Variants in STX18 observed in about 807,000 individuals in gnomAD.
The protein encoded by STX18 is syntaxin-18.
A neutral mutation model predicts 50.1 loss-of-function variants in STX18; 40 were observed. The ratio of observed to expected loss-of-function variants is 0.80; its 90% CI spans 0.62 to 1.04. The LOEUF (loss-of-function observed/expected upper bound fraction) is 1.04. STX18 is among the 50% of genes least tolerant of loss of function. The pLI, the probability that STX18 is intolerant of heterozygous loss-of-function variation, is 0.00. For synonymous variants in STX18, 158 were observed against 151.8 expected, an observed-to-expected ratio of 1.04 and a Z score of -0.30; for missense variants, 410 against 415.8, an observed-to-expected ratio of 0.99 and a Z score of 0.12.
At chr4:4,455,334 A>G (rs1254617365) in intron 5 of STX18, among the ~76,000 whole-genome samples, 1 of 152,248 alleles carries the variant, frequency 6.6e-6, no homozygotes, top group Non-Finnish European at 1.5e-5. Flanking sequence ...GCATTATATA[A>G]TAGTAGCTGT....
intron 1 of STX18, among the ~76,000 whole-genome samples, chr4:4,495,563 CTT>C (rs35298335): frequency 8.5e-5 from 11 of 129,974 alleles, no homozygotes; most frequent in Admixed American, 3.1e-4. Flanking sequence ...TTTTTCTTTT[CTT>C]TTTTTTTTTT....
At position 4,457,095 on chromosome 4, in the gene STX18, C is replaced by T. The variant is rs73086249; in HGVS notation, c.497+96G>A. 134 of 1,189,370 alleles carry T rather than the reference C, an allele frequency of 1.1e-4. 1 individual carries two copies. The South Asian group carries it at 1.6e-3, about 14-fold the overall frequency. 73.7% of individuals were successfully genotyped at this position (1,189,370 alleles called of 1,614,324 possible). On this transcript the variant is annotated intron_variant, in intron 5 of 10. Transcript: ENST00000306200. Reference sequence around the variant, plus strand: ...GGCATTTTGCGAAGAAGTTCAAACACGGTACATTGCATAGGGTAAGTGCTC... The same window carrying T: ...GGCATTTTGCGAAGAAGTTCAAACATGGTACATTGCATAGGGTAAGTGCTC...
At chr4:4,531,735 T>A (rs1731105658) in intron 1 of STX18, among the ~76,000 whole-genome samples, 1 of 152,248 alleles carries the variant, frequency 6.6e-6, no homozygotes, top group Non-Finnish European at 1.5e-5. Flanking sequence ...CATGCCTTTT[T>A]CTATACTCAT....
Position 4,485,255 on chromosome 4 carries a change from A to G in STX18, c.169-13549T>C, listed in dbSNP as rs138141273. 3.2e-3 allele frequency among the ~76,000 whole-genome samples: 482 copies of G among 152,364 alleles called. 4 individuals carry two copies. Among genetic ancestry groups the G allele is most frequent in the African/African-American group, 0.011 (461 of 41,582 alleles). ...ACTGATGAAAATAATGTCTGTGAAG[A>G]GTCTGACACTGTGTCTGGCACACAG... On this transcript the variant is annotated intron_variant, in intron 1 of 10. Transcript: ENST00000306200.
chr4:4,490,817 T>C (rs183230258), intron 1 of STX18, among the ~76,000 whole-genome samples: 1 of 152,302 alleles, frequency 6.6e-6, no homozygotes, highest in African/African-American at 2.4e-5. Flanking sequence ...AAATACATTT[T>C]AGAGAAAACA....
rs1460631144 is a variant in STX18 at position 4,459,363 on chromosome 4, G to A, written c.352+9C>T. 6.2e-7 allele frequency: 1 copy of A among 1,601,250 alleles called. No homozygotes were observed. The highest frequency in any genetic ancestry group is 1.7e-5 in the Admixed American group (1 of 59,954). ...TGGTTGCTTGTTTGCATCTTTCAGA[G>A]CACTTTACCTTCTGTTCGTAGTTGC... On this transcript the variant is annotated intron_variant, in intron 3 of 10. Coordinates refer to ENST00000306200, the MANE Select transcript of STX18 (RefSeq NM_016930.4).
intron 6 of STX18, among the ~76,000 whole-genome samples, chr4:4,436,637 T>C (rs1278760378): frequency 6.6e-6 from 1 of 152,238 alleles, no homozygotes; most frequent in Non-Finnish European, 1.5e-5. Flanking sequence ...GCCTTCTTGA[T>C]AGGCTGCCCT....
At chr4:4,455,757 T>A (rs1406559194) in intron 5 of STX18, among the ~76,000 whole-genome samples, 1 of 152,196 alleles carries the variant, frequency 6.6e-6, no homozygotes, top group Non-Finnish European at 1.5e-5. Flanking sequence ...ACACTTCACG[T>A]GTTGTCATAG....
chr4:4,530,534 A>G (rs1731045103), intron 1 of STX18, among the ~76,000 whole-genome samples: 1 of 152,060 alleles, frequency 6.6e-6, no homozygotes, highest in African/African-American at 2.4e-5. Flanking sequence ...CATCAAAATC[A>G]TTATTATTGT....
chr4:4,437,366 C>T (rs912223939), intron 6 of STX18, among the ~76,000 whole-genome samples: 7 of 152,214 alleles, frequency 4.6e-5, no homozygotes, highest in Non-Finnish European at 1.0e-4. Flanking sequence ...TTCCCATCAA[C>T]TGTGAGCTCC....
intron 1 of STX18, among the ~76,000 whole-genome samples, chr4:4,498,322 T>A (rs1325333521): frequency 6.6e-6 from 1 of 152,122 alleles, no homozygotes; most frequent in Non-Finnish European, 1.5e-5. Flanking sequence ...TACTGCATAA[T>A]AAGATCAATG....
intron 7 of STX18, among the ~76,000 whole-genome samples, chr4:4,428,051 C>T (rs924055555): frequency 3.2e-4 from 49 of 152,232 alleles, no homozygotes; most frequent in Non-Finnish European, 1.3e-4. Flanking sequence ...GGGCCCAGGA[C>T]AATTAGATCA....
chr4:4,514,941 C>T (rs1401433924), intron 1 of STX18, among the ~76,000 whole-genome samples: 1 of 152,076 alleles, frequency 6.6e-6, no homozygotes, highest in African/African-American at 2.4e-5. Flanking sequence ...AACAATAGTT[C>T]CATAAACTAT....
At chr4:4,439,785 C>G (rs182775377) in intron 5 of STX18, among the ~76,000 whole-genome samples, 645 of 152,172 alleles carry the variant, frequency 4.2e-3, no homozygotes, top group Non-Finnish European at 6.6e-3. Context: ...CTGTTTCTTC[C>G]CCACGGGCTC....
intron 2 of STX18, among the ~76,000 whole-genome samples, chr4:4,466,951 A>G (rs1727647157): frequency 6.6e-6 from 1 of 151,986 alleles, no homozygotes; most frequent in African/African-American, 2.4e-5. Flanking sequence ...GACTGGTTGG[A>G]TTAAGGATGA....
intron 5 of STX18, among the ~76,000 whole-genome samples, chr4:4,456,911 G>A (rs989605840): frequency 6.6e-6 from 1 of 152,200 alleles, no homozygotes; most frequent in South Asian, 2.1e-4. Context: ...CTGTGGGACT[G>A]TGGGATCTAG....
At chr4:4,488,335 T>A (rs1306079160) in intron 1 of STX18, among the ~76,000 whole-genome samples, 2 of 152,160 alleles carry the variant, frequency 1.3e-5, no homozygotes, top group African/African-American at 4.8e-5. Flanking sequence ...TGAATTATAA[T>A]ATCAGCTTAT....
intron 5 of STX18, among the ~76,000 whole-genome samples, chr4:4,440,075 A>G (rs1005343068): frequency 1.3e-5 from 2 of 152,244 alleles, no homozygotes; most frequent in African/African-American, 2.4e-5. Flanking sequence ...TAACTGGTTA[A>G]TAAGAAAACG....
chr4:4,505,128 T>C (rs539222396), intron 1 of STX18, among the ~76,000 whole-genome samples: 85 of 152,318 alleles, frequency 5.6e-4, no homozygotes, highest in African/African-American at 2.0e-3. Flanking sequence ...TCTGACTCTA[T>C]GGATTTGCCT....
Sources: allele counts gnomAD v4.1 joint callset (sites outside exome capture counted in the v4.1 genomes callset), GRCh38; gene constraint gnomAD v4.1.1; transcripts MANE v1.5; gene names NCBI Gene and HGNC (gene_info 2026-07-23, HGNC 2026-07-21).